Variants in TASP1 observed in about 807,000 individuals in gnomAD.
The protein encoded by TASP1 is threonine aspartase 1.
TASP1 carries 16 observed loss-of-function variants against 56.6 expected under a neutral mutation model. That is an observed-to-expected ratio of 0.28 (90% confidence interval 0.19 to 0.43). The LOEUF is 0.43. TASP1 is among the 20% of genes least tolerant of loss of function. TASP1 has a pLI of 1.00. For missense variants in TASP1, 393 were observed against 511.6 expected (o/e 0.77, Z 2.24); for synonymous variants, 179 against 184.2 (o/e 0.97, Z 0.23).
intron 9 of TASP1, 38 bp downstream of exon 9, chr20:13,533,983 AC>A (rs1327709110): frequency 1.3e-6 from 2 of 1,577,330 alleles, no homozygotes; most frequent in East Asian, 4.5e-5. Context: ...TCCATGCTTT[AC>A]TTTGAAAGGC....
At chr20:13,487,848 G>A (rs886901976) in intron 10 of TASP1, among the ~76,000 whole-genome samples, 4 of 152,134 alleles carry the variant, frequency 2.6e-5, no homozygotes, top group African/African-American at 9.7e-5. Context: ...AATGCTACAT[G>A]TAATTTCTTT....
chr20:13,574,394 C>T (rs889492139), intron 6 of TASP1, among the ~76,000 whole-genome samples: 4 of 152,118 alleles, frequency 2.6e-5, no homozygotes, highest in African/African-American at 9.7e-5. Context: ...CAAAAATACA[C>T]AGCACCCAAA....
At chr20:13,342,288 T>G in the TASP1 span, among the ~76,000 whole-genome samples, 640 of 152,288 alleles carry the variant, frequency 4.2e-3, 5 homozygotes, top group African/African-American at 0.012. Context: ...GGGTTGTTTG[T>G]TTTTGTGTTT....
chr20:13,591,494 T>C (rs1018578577), intron 4 of TASP1, among the ~76,000 whole-genome samples: 1 of 152,128 alleles, frequency 6.6e-6, no homozygotes, highest in African/African-American at 2.4e-5. Flanking sequence ...AATGTCTTCA[T>C]TAAGTAAAGG....
At chr20:13,153,892 G>C in the TASP1 span, 1 of 1,403,174 alleles carries the variant, frequency 7.1e-7, no homozygotes, top group South Asian at 1.3e-5. Context: ...CCTCCTCCCA[G>C]CTAGTGCTGC....
intron 11 of TASP1, among the ~76,000 whole-genome samples, chr20:13,467,819 C>A (rs1261214285): frequency 1.3e-5 from 2 of 151,922 alleles, no homozygotes; most frequent in African/African-American, 4.8e-5. Flanking sequence ...GAGTTCGAGA[C>A]CAGTCTGGCC....
chr20:13,221,993 G>A, the TASP1 span: 1 of 1,221,880 alleles, frequency 8.2e-7, no homozygotes, highest in Non-Finnish European at 1.0e-6. Context: ...AGTGCCGGGT[G>A]GATGCAGGGA....
the TASP1 span, among the ~76,000 whole-genome samples, chr20:13,231,025 C>T: frequency 6.6e-6 from 1 of 152,162 alleles, no homozygotes; most frequent in Admixed American, 6.6e-5. Context: ...CTCTTCCCTG[C>T]CTTCCTCCCT....
intron 1 of TASP1, among the ~76,000 whole-genome samples, chr20:13,638,324 G>T (rs987099454): frequency 3.3e-5 from 5 of 151,484 alleles, no homozygotes; most frequent in Admixed American, 2.6e-4. Flanking sequence ...CCGGAAACAC[G>T]ATACCCTCGA....
the TASP1 span, among the ~76,000 whole-genome samples, chr20:13,264,444 C>T: frequency 1.3e-5 from 2 of 152,190 alleles, no homozygotes; most frequent in African/African-American, 4.8e-5. Context: ...ATGCTTAGCA[C>T]ATTTTTTCCA....
At chr20:13,490,885 T>C (rs2043502756) in intron 10 of TASP1, among the ~76,000 whole-genome samples, 1 of 152,134 alleles carries the variant, frequency 6.6e-6, no homozygotes, top group Non-Finnish European at 1.5e-5. Context: ...AAAAATCACA[T>C]AAAGCATTTA....
the TASP1 span, among the ~76,000 whole-genome samples, chr20:13,185,791 GA>G: frequency 4.4e-4 from 67 of 152,162 alleles, no homozygotes; most frequent in Middle Eastern, 6.8e-3. Flanking sequence ...CATTTTTATA[GA>G]AAAATAAAGT....
intron 11 of TASP1, among the ~76,000 whole-genome samples, chr20:13,477,312 A>C (rs910372870): frequency 6.6e-6 from 1 of 152,152 alleles, no homozygotes; most frequent in Non-Finnish European, 1.5e-5. Flanking sequence ...TAAAATCGTA[A>C]TACTATATTC....
At chr20:13,306,493 TG>T in the TASP1 span, among the ~76,000 whole-genome samples, 1 of 143,676 alleles carries the variant, frequency 7.0e-6, no homozygotes, top group East Asian at 2.1e-4. Context: ...CAGATTTTGG[TG>T]GTGTTTTTTG....
chr20:13,580,228 C>T (rs2047072482), intron 6 of TASP1, among the ~76,000 whole-genome samples: 1 of 152,170 alleles, frequency 6.6e-6, no homozygotes, highest in Admixed American at 6.5e-5. Context: ...AGGAGGATTG[C>T]TTGAGTCCAG....
At chr20:13,290,819 G>A in the TASP1 span, among the ~76,000 whole-genome samples, 1 of 152,196 alleles carries the variant, frequency 6.6e-6, no homozygotes, top group African/African-American at 2.4e-5. Flanking sequence ...TTATGAAATA[G>A]GTATTTATGA....
intron 6 of TASP1, among the ~76,000 whole-genome samples, chr20:13,571,934 G>A (rs539378657): frequency 1.2e-4 from 19 of 152,148 alleles, no homozygotes; most frequent in Middle Eastern, 3.4e-3. Context: ...TCCCAAATGG[G>A]AAATTCCTTC....
At chr20:13,233,605 A>G in the TASP1 span, among the ~76,000 whole-genome samples, 1 of 152,046 alleles carries the variant, frequency 6.6e-6, no homozygotes, top group African/African-American at 2.4e-5. Context: ...CAAAAAAAAA[A>G]AAAAAAAAAG....
chr20:13,610,297 G>A (rs1179825583), intron 4 of TASP1, among the ~76,000 whole-genome samples: 1 of 152,154 alleles, frequency 6.6e-6, no homozygotes, highest in Non-Finnish European at 1.5e-5. Context: ...AGACACAAAA[G>A]AATACATAAT....
Sources: gnomAD v4.1 joint callset for allele counts (sites outside exome capture counted in the v4.1 genomes callset) on GRCh38, gnomAD v4.1.1 for gene constraint, MANE v1.5 for transcripts, NCBI Gene and HGNC (gene_info 2026-07-23, HGNC 2026-07-21) for gene names.